The following SCAPER variants were observed in gnomAD, a reference collection of about 807,000 sequenced individuals.
SCAPER encodes S-phase cyclin A associated protein in the ER, also known as S phase cyclin A-associated protein in the endoplasmic reticulum.
SCAPER carries 98 observed loss-of-function variants against 182.2 expected under a neutral mutation model. That is an observed-to-expected ratio of 0.54 (90% CI 0.46 to 0.64). SCAPER has a LOEUF of 0.64. Among genes scored for constraint, SCAPER ranks in the 30% least tolerant of loss-of-function variants. The pLI is 0.00. For missense variants in SCAPER, 1,432 were observed against 1,690.0 expected (o/e 0.85, Z 2.68); for synonymous variants, 605 against 564.6 (o/e 1.07, Z -1.01).
chr15:76,847,603 T>A (rs1027375181), intron 4 of SCAPER, among the ~76,000 whole-genome samples: 1 of 152,220 alleles, frequency 6.6e-6, no homozygotes, highest in African/African-American at 2.4e-5. Flanking sequence ...ACACCCACTA[T>A]GTACCCACAA....
At chr15:76,624,080 T>G (rs1403337272) in intron 21 of SCAPER, among the ~76,000 whole-genome samples, 1 of 152,182 alleles carries the variant, frequency 6.6e-6, no homozygotes, top group East Asian at 1.9e-4. Flanking sequence ...ATAAAAGGCA[T>G]TCAAACAGGA....
intron 14 of SCAPER, among the ~76,000 whole-genome samples, chr15:76,757,487 T>G (rs1242265108): frequency 6.6e-6 from 1 of 151,900 alleles, no homozygotes; most frequent in African/African-American, 2.4e-5. Context: ...CACTCAAATA[T>G]ATACCATATT....
chr15:76,629,857 G>A (rs1016573532), intron 21 of SCAPER, among the ~76,000 whole-genome samples: 2 of 152,082 alleles, frequency 1.3e-5, no homozygotes, highest in African/African-American at 4.8e-5. Flanking sequence ...TTGAACTTCT[G>A]GTAGAATTCA....
rs1607017 is a variant in SCAPER, at chr15:76,434,124, G to T, written c.3265C>A (p.Pro1089Thr). 536,480 of 1,613,534 alleles carry T rather than the reference G, an allele frequency of 0.33. 94,199 individuals are homozygous for T. Among genetic ancestry groups the T allele is most frequent in the East Asian group, 0.58 (26,053 of 44,864 alleles). ...TTGTTAAAAGGATCACCTTGTGAGG[G>T]TTTGTTTTTCATTTCCTGTGTTGGT... ...KIPTQEMKNK[P>T]SQGDPFNNRV... Residue 1089 changes from proline (P) to threonine (T), a missense_variant, in exon 26 of 32, where the codon CCC becomes ACC. Physicochemically the swap from Pro to Thr is conservative, Grantham distance 38. Coordinates refer to ENST00000563290, the MANE Select transcript of SCAPER (RefSeq NM_020843.4).
At chr15:76,539,545 C>G (rs370511009) in intron 23 of SCAPER, among the ~76,000 whole-genome samples, 45 of 119,400 alleles carry the variant, frequency 3.8e-4, no homozygotes, top group African/African-American at 1.4e-3. Context: ...ATCAAAATTT[C>G]TTTTTTTTTT....
chr15:76,680,339 AT>A (rs1421608060), intron 20 of SCAPER, among the ~76,000 whole-genome samples: 1 of 151,814 alleles, frequency 6.6e-6, no homozygotes, highest in African/African-American at 2.4e-5. Context: ...CTATATTAAT[AT>A]TAAACCAGGT....
intron 25 of SCAPER, among the ~76,000 whole-genome samples, chr15:76,467,365 C>T (rs2049763337): frequency 6.6e-6 from 1 of 151,926 alleles, no homozygotes; most frequent in Non-Finnish European, 1.5e-5. Context: ...AGGCAGCCTT[C>T]CAAAAAGCTG....
intron 4 of SCAPER, among the ~76,000 whole-genome samples, chr15:76,856,798 G>A (rs1019019512): frequency 1.2e-4 from 18 of 151,998 alleles, no homozygotes; most frequent in African/African-American, 4.3e-4. Context: ...AGCCCAGGAG[G>A]TCAAGTCATT....
chr15:76,822,450 C>T (rs1353888540), intron 5 of SCAPER, among the ~76,000 whole-genome samples: 1 of 152,226 alleles, frequency 6.6e-6, no homozygotes, highest in Non-Finnish European at 1.5e-5. Context: ...GGCAACTCTG[C>T]ACAACTTAAA....
intron 27 of SCAPER, among the ~76,000 whole-genome samples, chr15:76,389,579 C>T (rs373273402): frequency 9.7e-5 from 14 of 143,814 alleles, no homozygotes; most frequent in African/African-American, 3.3e-4. Flanking sequence ...TTTGGGAGGC[C>T]GAGGCGGGCA....
At chr15:76,491,297 T>C (rs985895873) in intron 24 of SCAPER, among the ~76,000 whole-genome samples, 7 of 152,260 alleles carry the variant, frequency 4.6e-5, no homozygotes, top group African/African-American at 1.7e-4. Flanking sequence ...CATTTATTGC[T>C]GAATAGTATG....
intron 21 of SCAPER, among the ~76,000 whole-genome samples, chr15:76,652,270 AAAAATATATAT>A (rs1245242752): frequency 1.2e-4 from 2 of 17,198 alleles, no homozygotes; most frequent in African/African-American, 4.6e-4. Flanking sequence ...AAAAAAAAAA[AAAAATATATAT>A]ATATATATAT....
In SCAPER at chr15:76,712,940, A is replaced by T. The variant is rs140059853; in HGVS notation, c.2166-6956T>A. On this transcript the variant is annotated intron_variant, in intron 17 of 31. Coordinates refer to ENST00000563290, the MANE Select transcript of SCAPER (RefSeq NM_020843.4). ...TTGAATGCCCTTTATTTCCTTCTCC[A>T]GTCTGACTGCCCTGGCCAGAACTTC... Among the ~76,000 whole-genome samples the T allele has an allele frequency of 4.2e-3, 647 of 152,254 alleles. 4 individuals carry two copies. Among genetic ancestry groups the T allele is most frequent in the African/African-American group, 0.014 (600 of 41,548 alleles).
chr15:76,740,004 C>A (rs1477302335), intron 15 of SCAPER, among the ~76,000 whole-genome samples: 2 of 152,078 alleles, frequency 1.3e-5, no homozygotes, highest in Admixed American at 1.3e-4. Context: ...TCCATCTCTA[C>A]AAATTTAAAA....
intron 5 of SCAPER, among the ~76,000 whole-genome samples, chr15:76,813,249 A>AAAC (rs1555617103): frequency 0.21 from 12,576 of 59,560 alleles, 1,660 homozygotes; most frequent in East Asian, 0.57. Flanking sequence ...AAAAAAAAAA[A>AAAC]AAAAAACAAC....
chr15:76,483,128 G>C (rs533670337), intron 24 of SCAPER, among the ~76,000 whole-genome samples: 2 of 152,032 alleles, frequency 1.3e-5, no homozygotes, highest in Admixed American at 6.5e-5. Flanking sequence ...AAGAGAATGT[G>C]GTATTGGTGA....
chr15:76,691,673 A>C (rs1225106132), intron 20 of SCAPER, among the ~76,000 whole-genome samples: 1 of 152,172 alleles, frequency 6.6e-6, no homozygotes, highest in African/African-American at 2.4e-5. Context: ...GCACAATTTT[A>C]GATAAGCAAA....
At chr15:76,399,353 G>A (rs566977478) in intron 27 of SCAPER, among the ~76,000 whole-genome samples, 26 of 152,142 alleles carry the variant, frequency 1.7e-4, no homozygotes, top group Admixed American at 5.9e-4. Context: ...GGCCAGTCTC[G>A]TCTTGAACTT....
intron 25 of SCAPER, among the ~76,000 whole-genome samples, chr15:76,440,376 A>G (rs1336699509): frequency 6.6e-6 from 1 of 152,254 alleles, no homozygotes. Context: ...TACTTTCAAC[A>G]TTCTTGTTTG....
Sources: allele counts gnomAD v4.1 joint callset (sites outside exome capture counted in the v4.1 genomes callset), GRCh38; gene constraint gnomAD v4.1.1; transcripts MANE v1.5; gene names NCBI Gene and HGNC (gene_info 2026-07-23, HGNC 2026-07-21).